Variants in CUX2 observed in about 807,000 individuals in gnomAD.
CUX2 encodes the protein homeobox protein cut-like 2.
Under a neutral mutation model 144.8 loss-of-function variants are expected in CUX2, and 40 were observed. That is an observed-to-expected ratio of 0.28 (90% confidence interval 0.21 to 0.36). The LOEUF (loss-of-function observed/expected upper bound fraction) is 0.36, where lower values mean the gene tolerates loss of function less well. Among genes scored for constraint, CUX2 ranks in the 10% least tolerant of loss-of-function variants. The pLI is 1.00. For missense variants in CUX2, 1,615 were observed against 1,994.0 expected, an observed-to-expected ratio of 0.81 and a Z score of 3.62; for synonymous variants, 827 against 875.6, an observed-to-expected ratio of 0.94 and a Z score of 0.98.
At chr12:111,301,302 G>A (rs1336329567) in intron 9 of CUX2, among the ~76,000 whole-genome samples, 1 of 152,144 alleles carries the variant, frequency 6.6e-6, no homozygotes, top group Admixed American at 6.5e-5. Flanking sequence ...GTGAGAAAAT[G>A]AGAACCAGCT....
chr12:111,316,959 T>C (rs1016960243), intron 16 of CUX2, among the ~76,000 whole-genome samples: 34 of 152,142 alleles, frequency 2.2e-4, no homozygotes, highest in African/African-American at 8.0e-4. Context: ...TTCTGCACAT[T>C]TTGTGTAAAT....
chr12:111,301,526 T>G (rs78951912), intron 9 of CUX2, among the ~76,000 whole-genome samples: 105 of 151,516 alleles, frequency 6.9e-4, no homozygotes, highest in African/African-American at 2.4e-3. Flanking sequence ...TTTTTTTTTT[T>G]CTTTTCCAAG....
chr12:111,043,629 A>G (rs1869852603), intron 1 of CUX2, among the ~76,000 whole-genome samples: 1 of 152,004 alleles, frequency 6.6e-6, no homozygotes, highest in African/African-American at 2.4e-5. Flanking sequence ...CCTGGCCAAC[A>G]TGGTGAAACC....
chr12:111,340,602 A>G (rs117587958), intron 20 of CUX2, among the ~76,000 whole-genome samples: 2,611 of 152,352 alleles, frequency 0.017, 79 homozygotes, highest in East Asian at 0.12. Context: ...TTAGGAAAAT[A>G]GTAACTTCTC....
chr12:111,312,008 T>G lies in CUX2; in HGVS notation c.1901-92T>G. 1 of 1,031,510 alleles carries G rather than the reference T, an allele frequency of 9.7e-7. No individual in the cohort carries two copies. The highest frequency in any genetic ancestry group is 1.4e-6 in the Non-Finnish European group (1 of 696,424). The allele number at this position is 1,031,510 out of a possible 1,614,324, so 63.9% of individuals were successfully genotyped here. ...ACTGATGGTCTGACCCTCACTCTTC[T>G]GGGAGGAGGAGACAGCCCCCCTACC... is the stretch of plus-strand genomic sequence containing the variant. On this transcript the variant is annotated intron_variant, in intron 15 of 21. Transcript: ENST00000261726. This position sits in a 1 kb window ranked among gnomAD's most constrained non-coding sequence, Gnocchi z 4.3.
At chr12:111,177,000 C>T (rs1008598214) in intron 1 of CUX2, among the ~76,000 whole-genome samples, 1 of 152,144 alleles carries the variant, frequency 6.6e-6, no homozygotes, top group Non-Finnish European at 1.5e-5. Flanking sequence ...AGTAGTACAC[C>T]CCTAGTTGTG....
At chr12:111,053,804 C>T (rs1184259836) in intron 1 of CUX2, among the ~76,000 whole-genome samples, 1 of 152,212 alleles carries the variant, frequency 6.6e-6, no homozygotes, top group Admixed American at 6.5e-5. Context: ...AGCTACAGTA[C>T]TTGGCATGGT....
At chr12:111,116,539 G>A (rs1399169866) in intron 1 of CUX2, among the ~76,000 whole-genome samples, 1 of 152,158 alleles carries the variant, frequency 6.6e-6, no homozygotes, top group African/African-American at 2.4e-5. Context: ...GAAGACTTTA[G>A]GAAGAACTTT....
intron 1 of CUX2, among the ~76,000 whole-genome samples, chr12:111,139,522 A>G (rs562935159): frequency 1.3e-5 from 2 of 152,288 alleles, no homozygotes; most frequent in Admixed American, 6.5e-5. Flanking sequence ...GCGTTGGGAC[A>G]GATACTTTCC....
At position 111,059,271 on chromosome 12, in the gene CUX2, A is replaced by G. The variant is rs775140501; in HGVS notation, c.63+25031A>G. Among the ~76,000 whole-genome samples, 9 of 151,944 alleles carry G rather than the reference A, an allele frequency of 5.9e-5. No homozygotes were observed. The highest frequency in any genetic ancestry group is 1.3e-4 in the Non-Finnish European group (9 of 67,962). ...CTTCTCGGGGAGGTGGGAGGGGAGGAGGGCTACATTTCCATTCTGGAATTG... is the reference window on the plus strand; with the variant it reads ...CTTCTCGGGGAGGTGGGAGGGGAGGGGGGCTACATTTCCATTCTGGAATTG... On this transcript the variant is annotated intron_variant, in intron 1 of 21. Coordinates refer to ENST00000261726, the MANE Select transcript of CUX2 (RefSeq NM_015267.4). This position sits in a 1 kb window ranked among gnomAD's most constrained non-coding sequence, Gnocchi z 5.3.
chr12:111,299,904 G>A (rs1327294629), intron 9 of CUX2, among the ~76,000 whole-genome samples: 1 of 152,072 alleles, frequency 6.6e-6, no homozygotes, highest in Admixed American at 6.6e-5. Flanking sequence ...AGGGGGACAG[G>A]GTCATACTCT....
intron 1 of CUX2, among the ~76,000 whole-genome samples, chr12:111,175,740 C>T (rs1039768193): frequency 2.0e-5 from 3 of 151,900 alleles, no homozygotes; most frequent in Non-Finnish European, 4.4e-5. Context: ...ACTGAATGGT[C>T]GGAGACATCA....
chr12:111,104,646 G>A (rs1873478829), intron 1 of CUX2, among the ~76,000 whole-genome samples: 1 of 152,236 alleles, frequency 6.6e-6, no homozygotes, highest in Non-Finnish European at 1.5e-5. Context: ...TTGAAGGAAA[G>A]GATCTGGCAC....
chr12:111,187,608 T>C (rs1592817663), intron 1 of CUX2, among the ~76,000 whole-genome samples: 2 of 152,190 alleles, frequency 1.3e-5, no homozygotes, highest in Admixed American at 1.3e-4. Flanking sequence ...CTGCCACCCC[T>C]GGGCACCCCC....
chr12:111,173,477 G>A (rs144269330), intron 1 of CUX2, among the ~76,000 whole-genome samples: 17 of 152,348 alleles, frequency 1.1e-4, no homozygotes, highest in African/African-American at 3.8e-4. Flanking sequence ...TCTCTTCTAG[G>A]CACGATGAGG....
chr12:111,234,566 G>A (rs1393888250), intron 3 of CUX2, among the ~76,000 whole-genome samples: 1 of 152,136 alleles, frequency 6.6e-6, no homozygotes, highest in African/African-American at 2.4e-5. Context: ...TGGAGGAAGT[G>A]AGGTCCCAGC....
chr12:111,346,827 C>T (rs1888830987), intron 21 of CUX2, among the ~76,000 whole-genome samples: 1 of 152,150 alleles, frequency 6.6e-6, no homozygotes. Context: ...GCCTGGCCAA[C>T]ATAGCAAAAC....
At chr12:111,331,007 A>G (rs752421997) in intron 18 of CUX2, among the ~76,000 whole-genome samples, 2 of 151,616 alleles carry the variant, frequency 1.3e-5, no homozygotes, top group Non-Finnish European at 2.9e-5. Flanking sequence ...TTAGAAGGAA[A>G]GTCCTCAGGA....
chr12:111,078,286 G>A (rs1871646405), intron 1 of CUX2, among the ~76,000 whole-genome samples: 1 of 152,190 alleles, frequency 6.6e-6, no homozygotes, highest in South Asian at 2.1e-4. Flanking sequence ...GGAAAGAAAG[G>A]ACAAAGTGTT....
Sources: allele counts gnomAD v4.1 joint callset (sites outside exome capture counted in the v4.1 genomes callset), GRCh38; gene constraint gnomAD v4.1.1; non-coding constraint Gnocchi (gnomAD v3.1); transcripts MANE v1.5; gene names NCBI Gene and HGNC (gene_info 2026-07-23, HGNC 2026-07-21).